Variants in SSC5D observed in about 807,000 individuals in gnomAD.
SSC5D encodes the protein soluble scavenger receptor cysteine-rich domain-containing protein SSC5D.
A neutral mutation model predicts 104.6 loss-of-function variants in SSC5D; 106 were observed. The observed-to-expected ratio is 1.01, with a 90% CI of 0.87 to 1.19. The LOEUF is 1.19. SSC5D is among the 50% of genes most tolerant of loss of function. The pLI is 0.00. For synonymous variants in SSC5D, 860 were observed against 883.5 expected (o/e 0.97, Z 0.47); for missense variants, 1,993 against 2,153.8 (o/e 0.93, Z 1.48).
intron 6 of SSC5D, 144 bp downstream of exon 6, chr19:55,491,224 C>G: frequency 1.1e-6 from 1 of 877,580 alleles, no homozygotes; most frequent in Non-Finnish European, 1.7e-6. Context: ...ACTCACCACG[C>G]TCTCCAGCCC....
At chr19:55,507,588 C>T (rs1354774603) in intron 12 of SSC5D, among the ~76,000 whole-genome samples, 2 of 150,232 alleles carry the variant, frequency 1.3e-5, no homozygotes, top group Non-Finnish European at 3.0e-5. Context: ...ATCCTTTAAA[C>T]CCAGGAGGCG....
Position 55,500,473 on chromosome 19 carries a change from A to G in SSC5D, c.2303-17A>G. On this transcript the variant is annotated splice_polypyrimidine_tract_variant and intron_variant, in intron 10 of 13. Coordinates refer to ENST00000389623, the MANE Select transcript of SSC5D (RefSeq NM_001144950.2). This position sits in a 1 kb window ranked among gnomAD's most constrained non-coding sequence, Gnocchi z 4.6. ...AGAGGCTGACCCTCCCTCCTGACCT[A>G]AGGGCCTTCCACGCAGGCCTGTTCC... is the stretch of plus-strand genomic sequence containing the variant. 6.4e-7 allele frequency: 1 copy of G among 1,550,414 alleles called. No homozygotes were observed. The highest frequency in any genetic ancestry group is 8.7e-7 in the Non-Finnish European group (1 of 1,146,116).
At chr19:55,493,994 G>GGAGGGGGGGGGGT in intron 7 of SSC5D, 82 bp downstream of exon 7, 1 of 143,314 alleles carries the variant, frequency 7.0e-6, no homozygotes, top group Non-Finnish European at 1.4e-5. Flanking sequence ...GGGCGGGGGG[G>GGAGGGGGGGGGGT]TCCCTACGCG....
At chr19:55,495,227 A>T (rs183113659) in intron 8 of SSC5D, among the ~76,000 whole-genome samples, 1 of 18,760 alleles carries the variant, frequency 5.3e-5, no homozygotes, top group Non-Finnish European at 9.8e-5. Context: ...ATATATATAT[A>T]TATATATTTT....
At chr19:55,496,418 A>C (rs1987327846) in intron 8 of SSC5D, among the ~76,000 whole-genome samples, 1 of 152,244 alleles carries the variant, frequency 6.6e-6, no homozygotes, top group Admixed American at 6.5e-5. Context: ...GAAAAGGCCG[A>C]ACAAAAGCAG....
chr19:55,494,498 G>C, intron 7 of SSC5D, 112 bp from the exon 8 acceptor site: 1 of 1,215,510 alleles, frequency 8.2e-7, no homozygotes, highest in South Asian at 1.6e-5. Context: ...GGCAGGAAGA[G>C]ATCTCTGCGT....
chr19:55,504,649 C>T (rs11878258), intron 12 of SSC5D, among the ~76,000 whole-genome samples: 3,978 of 152,224 alleles, frequency 0.026, 111 homozygotes, highest in African/African-American at 0.065. Flanking sequence ...TACAGGCGCA[C>T]GCCACCACAC....
Position 55,493,981 on chromosome 19 carries a change from C to CG in SSC5D, c.1213+74dup, listed in dbSNP as rs1406364930. The CG allele has an allele frequency of 4.4e-3, 196 of 44,710 alleles. 3 individuals carry two copies. Among genetic ancestry groups the CG allele is most frequent in the African/African-American group, 0.037 (129 of 3,486 alleles). The allele number at this position is 44,710 out of a possible 1,614,324, so 2.8% of individuals were successfully genotyped here. On this transcript the variant is annotated intron_variant, in intron 7 of 13. Coordinates refer to ENST00000389623, the MANE Select transcript of SSC5D (RefSeq NM_001144950.2). ...GCTTGGAGCGGAGGGGCAAGTTCGG[C>CG]GGGGGCGGGGGGGTCCCTACGCGCC...
At position 55,503,438 on chromosome 19, in the gene SSC5D, C is replaced by T. The variant is rs543723033; in HGVS notation, c.2785+2237C>T. On this transcript the variant is annotated intron_variant, in intron 12 of 13. Coordinates refer to ENST00000389623, the MANE Select transcript of SSC5D (RefSeq NM_001144950.2). The surrounding 1 kb of genome is among the most constrained non-coding windows in gnomAD (Gnocchi z 4.0). ...CTCTTACGGTTGTTTTCTGAGTCTCCATCTCCCGCGCCTTCCCTGCAGTCT... is the reference window on the plus strand; with the variant it reads ...CTCTTACGGTTGTTTTCTGAGTCTCTATCTCCCGCGCCTTCCCTGCAGTCT... Among the ~76,000 whole-genome samples, 2 of 152,208 alleles carry T rather than the reference C, an allele frequency of 1.3e-5. No individual in the cohort carries two copies. Among genetic ancestry groups the T allele is most frequent in the Non-Finnish European group, 2.9e-5 (2 of 68,012 alleles).
chr19:55,498,146 T>C lies in SSC5D; in HGVS notation c.1654T>C (p.Trp552Arg), dbSNP rs963730704. The C allele has an allele frequency of 2.6e-6, 4 of 1,551,638 alleles. No homozygotes were observed. In the African/African-American group the frequency reaches 4.1e-5, roughly 16 times the overall value. The change falls in exon 9 of 14, where the codon TGG becomes CGG. Residue 552 changes from tryptophan to arginine, a missense_variant. Trp to Arg is a moderately radical substitution (Grantham distance 101). Around this residue, in one of 6 missense-constraint regions of SSC5D, gnomAD observed 1,101 missense variants for 1,085.0 expected, o/e 1.01. Transcript: ENST00000389623. ...ACTGTCCGACTGCCCTGCTGCTCCC[T>C]GGGGAAAGCACAACTGCGCTCACAA... ...ASLSDCPAAPWGKHNCAHNED... is the reference protein window; with the variant it reads ...ASLSDCPAAPRGKHNCAHNED...
intron 12 of SSC5D, among the ~76,000 whole-genome samples, chr19:55,508,717 A>C (rs1473326183): frequency 1.1e-5 from 1 of 89,516 alleles, no homozygotes; most frequent in African/African-American, 4.4e-5. Flanking sequence ...CCTATACAGC[A>C]GGGATGGCCT....
intron 13 of SSC5D, among the ~76,000 whole-genome samples, chr19:55,513,463 C>T (rs1987804206): frequency 3.3e-5 from 5 of 151,988 alleles, no homozygotes; most frequent in Admixed American, 3.3e-4. Context: ...ACGTGTGGTC[C>T]CAGCTGCTTG....
In SSC5D at chr19:55,518,811, A is replaced by G; in HGVS notation, c.4535A>G (p.Glu1512Gly). The G allele has an allele frequency of 7.7e-6, 12 of 1,550,502 alleles. No individual in the cohort carries two copies. Among genetic ancestry groups the G allele is most frequent in the Non-Finnish European group, 1.0e-5 (12 of 1,146,974 alleles). The change falls in exon 14 of 14, where the codon GAA becomes GGA. Residue 1512 changes from glutamate to glycine, a missense_variant. By Grantham distance (98) the Glu-to-Gly change is moderately conservative. Around this residue, in one of 6 missense-constraint regions of SSC5D, gnomAD observed 349 missense variants for 397.6 expected, o/e 0.88. Coordinates refer to ENST00000389623, the MANE Select transcript of SSC5D (RefSeq NM_001144950.2). ...GQLQRLTQVV[E>G]QERQERQALL... ...CTGCAGAGACTGACCCAGGTCGTGG[A>G]ACAGGAGCGGCAGGAGCGCCAAGCC... is the stretch of plus-strand genomic sequence containing the variant.
chr19:55,503,420 GGTT>G lies in SSC5D; in HGVS notation c.2785+2223_2785+2225del, dbSNP rs1987562005. Among the ~76,000 whole-genome samples, 1 of 151,956 alleles carries G rather than the reference GGTT, an allele frequency of 6.6e-6. No individual in the cohort carries two copies. The highest frequency in any genetic ancestry group is 1.5e-5 in the Non-Finnish European group (1 of 68,002). On this transcript the variant is annotated intron_variant, in intron 12 of 13. Transcript: ENST00000389623. The surrounding 1 kb of genome is among the most constrained non-coding windows in gnomAD (Gnocchi z 4.0). ...TGGTATCTTTTCCTTTGTCTCTTAC[GGTT>G]GTTTTCTGAGTCTCCATCTCCCGCG... is the stretch of plus-strand genomic sequence containing the variant.
At position 55,517,667 on chromosome 19, in the gene SSC5D, C is replaced by G. The variant is rs1374828265; in HGVS notation, c.3391C>G (p.Pro1131Ala). 1.3e-6 allele frequency: 2 copies of G among 1,551,566 alleles called. No individual in the cohort carries two copies. The highest frequency in any genetic ancestry group is 1.4e-5 in the African/African-American group (1 of 72,834). ...SDTTPDLDTT[P>A]YSSTVSEYSR... Reference sequence around the variant, plus strand: ...CACAACCCCAGATTTGGACACAACTCCATACTCCAGTACAGTCTCAGAATA... The same window carrying G: ...CACAACCCCAGATTTGGACACAACTGCATACTCCAGTACAGTCTCAGAATA... The change falls in exon 14 of 14, where the codon CCA (proline) becomes GCA (alanine). Residue 1131 changes from proline (P) to alanine (A), a missense_variant. By Grantham distance (27) the Pro-to-Ala change is conservative. Coordinates refer to ENST00000389623, the MANE Select transcript of SSC5D (RefSeq NM_001144950.2).
At chr19:55,507,301 G>A (rs905958709) in intron 12 of SSC5D, among the ~76,000 whole-genome samples, 1 of 138,590 alleles carries the variant, frequency 7.2e-6, no homozygotes, top group Non-Finnish European at 1.5e-5. Flanking sequence ...CCATGGTCAA[G>A]CCACTGCACT....
chr19:55,513,336 C>T lies in SSC5D; in HGVS notation c.2947+164C>T, dbSNP rs145244344. Among the ~76,000 whole-genome samples the T allele has an allele frequency of 7.4e-3, 1,124 of 152,280 alleles. 17 individuals carry two copies. The highest frequency in any genetic ancestry group is 0.025 in the African/African-American group (1,050 of 41,548). On this transcript the variant is annotated intron_variant, in intron 13 of 13. Transcript: ENST00000389623. The stretch of plus-strand genomic sequence containing the variant: ...GAGCATGGTGGCTCATGCCTGTAAT[C>T]ACAGCACTTTGGGAGGCCGAGTTGG...
At position 55,518,623 on chromosome 19, in the gene SSC5D, G is replaced by A; in HGVS notation, c.4347G>A (p.Leu1449=). ...TCCTTTCCCCCACAGCCCACCCCTT[G>A]GATCATCCTCCCCTTGACCCCCTCA... is the stretch of plus-strand genomic sequence containing the variant. ...DPLLSPTAHP[L]DHPPLDPLTL... is the part of the protein sequence containing the mutation. Residue 1449 remains leucine, a synonymous_variant, in exon 14 of 14, where the codon TTG becomes TTA. Transcript: ENST00000389623. 3 of 1,482,410 alleles carry A rather than the reference G, an allele frequency of 2.0e-6. No homozygotes were observed. The highest frequency in any genetic ancestry group is 2.7e-6 in the Non-Finnish European group (3 of 1,111,120). The allele number at this position is 1,482,410 out of a possible 1,614,324, so 91.8% of individuals were successfully genotyped here.
chr19:55,493,556 C>T (rs774893350), intron 6 of SSC5D, 39 bp from the exon 7 acceptor site: 1 of 1,401,690 alleles, frequency 7.1e-7, no homozygotes, highest in Admixed American at 3.4e-5. Context: ...CTCATCCACC[C>T]TCGTTTCCTG....
Sources: gnomAD v4.1 joint callset for allele counts (sites outside exome capture counted in the v4.1 genomes callset) on GRCh38, gnomAD v4.1.1 for gene constraint, gnomAD v4.1.1 regional missense constraint, Gnocchi (gnomAD v3.1) non-coding constraint, MANE v1.5 for transcripts, NCBI Gene and HGNC (gene_info 2026-07-23, HGNC 2026-07-21) for gene names.